The following HIGD1B variants were observed in gnomAD, a reference collection of about 807,000 sequenced individuals.
The protein encoded by HIGD1B is HIG1 hypoxia inducible domain family member 1B, also known as HIG1 domain family member 1B.
Under a neutral mutation model 8.8 loss-of-function variants are expected in HIGD1B, and 9 were observed. That is an observed-to-expected ratio of 1.02 (90% CI 0.62 to 1.78). The LOEUF (loss-of-function observed/expected upper bound fraction) is 1.78. Ranked by LOEUF, HIGD1B falls within the 40% of genes most tolerant of loss-of-function variation. The probability of loss-of-function intolerance (pLI) is 0.00; values close to 1 mark genes in which losing one functional copy is unlikely to be tolerated. For synonymous variants in HIGD1B, 47 were observed against 38.8 expected, an observed-to-expected ratio of 1.21 and a Z score of -0.78; for missense variants, 126 against 111.8, an observed-to-expected ratio of 1.13 and a Z score of -0.57.
In HIGD1B at chr17:44,849,248, C is replaced by A. The variant is rs1014407083; in HGVS notation, c.101-6C>A. ...GTGGCCCAGGGGCTGTGTTCTCTGCCCACAGGCTTAGGAGGCTGCTTGGTG... is the reference window on the plus strand; with the variant it reads ...GTGGCCCAGGGGCTGTGTTCTCTGCACACAGGCTTAGGAGGCTGCTTGGTG... On this transcript the variant is annotated splice_polypyrimidine_tract_variant and splice_region_variant and intron_variant, in intron 1 of 2. Transcript: ENST00000253410. The A allele has an allele frequency of 1.2e-6, 2 of 1,613,842 alleles. No individual in the cohort carries two copies. The highest frequency in any genetic ancestry group is 3.3e-4 in the Middle Eastern group (2 of 6,056).
At chr17:44,850,152 G>T in intron 2 of HIGD1B, 180 bp from the exon 3 acceptor site, 1 of 561,896 alleles carries the variant, frequency 1.8e-6, no homozygotes, top group East Asian at 2.8e-5. Context: ...TCAGATAAGT[G>T]GTTTCCCCAG....
At chr17:44,849,419 G>A (rs751579159) in intron 2 of HIGD1B, 31 bp downstream of exon 2, 4 of 1,612,802 alleles carry the variant, frequency 2.5e-6, no homozygotes, top group East Asian at 2.2e-5. Context: ...GCAGAATGAG[G>A]GCAAAACCGA....
At chr17:44,849,571 C>A (rs1306385110) in intron 2 of HIGD1B, among the ~76,000 whole-genome samples, 183 bp downstream of exon 2, 1 of 151,958 alleles carries the variant, frequency 6.6e-6, no homozygotes, top group African/African-American at 2.4e-5. Flanking sequence ...ACCATCCTGG[C>A]CAACATGGTG....
chr17:44,848,655 CAG>C (rs1567723794), intron 1 of HIGD1B, among the ~76,000 whole-genome samples: 4 of 53,442 alleles, frequency 7.5e-5, no homozygotes, highest in African/African-American at 2.1e-4. Context: ...TCGTGGTGAT[CAG>C]CTATTTGTAT....
chr17:44,848,758 T>C (rs72826896), intron 1 of HIGD1B, among the ~76,000 whole-genome samples: 2 of 152,010 alleles, frequency 1.3e-5, no homozygotes, highest in African/African-American at 2.4e-5. Flanking sequence ...AAAATGCCAT[T>C]GAAGGGCAAC....
intron 2 of HIGD1B, chr17:44,849,966 T>C (rs2050409032): frequency 4.6e-6 from 1 of 216,986 alleles, no homozygotes; most frequent in Non-Finnish European, 9.4e-6. Flanking sequence ...CTCTTCCTCT[T>C]GAGATTAAAA....
At chr17:44,846,138 T>C (rs1373291013), upstream of HIGD1B, among the ~76,000 whole-genome samples, 2 of 152,098 alleles carry the variant, frequency 1.3e-5, no homozygotes, top group Non-Finnish European at 2.9e-5. Context: ...CTTAATTCCA[T>C]GGGAATTAAA....
chr17:44,846,366 A>C (rs2050322422), upstream of HIGD1B: 1 of 152,270 alleles, frequency 6.6e-6, no homozygotes, highest in Non-Finnish European at 1.5e-5. Flanking sequence ...GTCGGTTCAA[A>C]ACAGCAGACG....
chr17:44,850,079 A>C, intron 2 of HIGD1B: 1 of 405,110 alleles, frequency 2.5e-6, no homozygotes, highest in Non-Finnish European at 4.6e-6. Context: ...TGGCCTGCCT[A>C]CCTTGCAGGC....
intron 1 of HIGD1B, among the ~76,000 whole-genome samples, chr17:44,848,593 G>A (rs2050358009): frequency 6.6e-6 from 1 of 152,096 alleles, no homozygotes; most frequent in Admixed American, 6.5e-5. Context: ...GTGGGAGCCA[G>A]CAGTGTGGCT....
Position 44,850,324 on chromosome 17 carries a change from T to A in HIGD1B, c.236-8T>A. 6.2e-7 allele frequency: 1 copy of A among 1,610,290 alleles called. No homozygotes were observed. Among genetic ancestry groups the A allele is most frequent in the South Asian group, 1.1e-5 (1 of 90,250 alleles). On this transcript the variant is annotated splice_polypyrimidine_tract_variant and splice_region_variant and intron_variant, in intron 2 of 2. Coordinates refer to ENST00000253410, the MANE Select transcript of HIGD1B (RefSeq NM_016438.4). The stretch of plus-strand genomic sequence containing the variant: ...GCCAAGGGGCATTATTTCTTTTCTC[T>A]CACACAGGTGCTGTGTACACAATGT...
intron 2 of HIGD1B, among the ~76,000 whole-genome samples, chr17:44,849,603 T>A (rs2050395785): frequency 6.6e-6 from 1 of 151,610 alleles, no homozygotes; most frequent in Non-Finnish European, 1.5e-5. Flanking sequence ...CTACTAAAAA[T>A]ACAAAAATTA....
chr17:44,846,823 C>T (rs1193650808), upstream of HIGD1B, among the ~76,000 whole-genome samples: 11 of 151,298 alleles, frequency 7.3e-5, no homozygotes, highest in Admixed American at 7.3e-4. Context: ...GAGAGTTTGC[C>T]GTATGGTTAG....
At chr17:44,849,415 T>C in intron 2 of HIGD1B, 27 bp downstream of exon 2, 1 of 1,613,404 alleles carries the variant, frequency 6.2e-7, no homozygotes, top group South Asian at 1.1e-5. Flanking sequence ...GGTCGCAGAA[T>C]GAGGGCAAAA....
upstream of HIGD1B, among the ~76,000 whole-genome samples, chr17:44,846,133 T>C (rs961050597): frequency 1.4e-4 from 21 of 152,142 alleles, no homozygotes; most frequent in African/African-American, 4.6e-4. Context: ...AGCCACTTAA[T>C]TCCATGGGAA....
intron 2 of HIGD1B, chr17:44,849,809 T>C (rs187604696): frequency 7.5e-4 from 129 of 171,494 alleles, no homozygotes; most frequent in Non-Finnish European, 1.3e-3. Context: ...TCTCCTGTTC[T>C]GGGCTCCACA....
In HIGD1B at chr17:44,847,936, G is replaced by C. The variant is rs2050340370; in HGVS notation, c.-217G>C. On this transcript the variant is annotated 5_prime_UTR_variant, in exon 1 of 3. Transcript: ENST00000253410. ...GCAGATGGTAGGAAATGGAGACGGA[G>C]AAATGGCACTAATGGCCCAGCCACC... 2.1e-6 allele frequency: 1 copy of C among 465,846 alleles called. No individual in the cohort carries two copies. Among genetic ancestry groups the C allele is most frequent in the African/African-American group, 2.0e-5 (1 of 49,466 alleles). 28.9% of individuals were successfully genotyped at this position (465,846 alleles called of 1,614,324 possible). A position where few individuals can be genotyped will look rare whatever the true frequency, so the allele number is the denominator to read the frequency against.
upstream of HIGD1B, among the ~76,000 whole-genome samples, chr17:44,847,218 G>A (rs1404107191): frequency 1.3e-5 from 2 of 152,060 alleles, no homozygotes; most frequent in African/African-American, 2.4e-5. Context: ...TGGATCATGA[G>A]GTCAGGAGAT....
At chr17:44,845,314 A>G (rs1268113958), upstream of HIGD1B, among the ~76,000 whole-genome samples, 1 of 151,650 alleles carries the variant, frequency 6.6e-6, no homozygotes, top group East Asian at 1.9e-4. Flanking sequence ...CCTAATCCTG[A>G]TCACTGTCAT....
Sources: gnomAD v4.1 joint callset for allele counts (sites outside exome capture counted in the v4.1 genomes callset) on GRCh38, gnomAD v4.1.1 for gene constraint, MANE v1.5 for transcripts, NCBI Gene and HGNC (gene_info 2026-07-23, HGNC 2026-07-21) for gene names.